The following ALCAM variants were observed in gnomAD, a reference collection of about 807,000 sequenced individuals.
ALCAM encodes activated leukocyte cell adhesion molecule, also known as CD166 antigen.
A neutral mutation model predicts 70.9 loss-of-function variants in ALCAM; 30 were observed. The observed-to-expected ratio is 0.42, with a 90% confidence interval of 0.32 to 0.57. The LOEUF (loss-of-function observed/expected upper bound fraction) is 0.57, where lower values mean the gene tolerates loss of function less well. Ranked by LOEUF, ALCAM falls within the 20% of genes least tolerant of loss-of-function variation. The pLI is 0.11. For missense variants in ALCAM, 591 were observed against 695.1 expected, an observed-to-expected ratio of 0.85 and a Z score of 1.68; for synonymous variants, 249 against 242.5, an observed-to-expected ratio of 1.03 and a Z score of -0.25.
At chr3:105,524,816 T>G in intron 3 of ALCAM, 14 of 1,106,426 alleles carry the variant, frequency 1.3e-5, no homozygotes, top group Non-Finnish European at 1.5e-5. Context: ...TTTACTGACA[T>G]GTACAAATAA....
chr3:105,484,105 A>G (rs1938353197), intron 1 of ALCAM, among the ~76,000 whole-genome samples: 1 of 151,974 alleles, frequency 6.6e-6, no homozygotes, highest in Non-Finnish European at 1.5e-5. Context: ...GTTCTTGGTC[A>G]GAAGCAATTT....
intron 1 of ALCAM, among the ~76,000 whole-genome samples, chr3:105,473,814 G>T (rs1276625908): frequency 1.3e-5 from 2 of 151,448 alleles, no homozygotes; most frequent in Non-Finnish European, 1.5e-5. Flanking sequence ...TCCTAGAAAG[G>T]TATTTAGGTC....
chr3:105,411,092 T>G (rs1936378140), intron 1 of ALCAM, among the ~76,000 whole-genome samples: 1 of 152,044 alleles, frequency 6.6e-6, no homozygotes, highest in African/African-American at 2.4e-5. Flanking sequence ...GGAAAAACAT[T>G]AATGCAGCTC....
chr3:105,367,268 C>A lies in ALCAM; in HGVS notation c.-141C>A. The A allele has an allele frequency of 1.3e-6, 1 of 754,664 alleles. No homozygotes were observed. The highest frequency in any genetic ancestry group is 1.8e-5 in the South Asian group (1 of 56,814). The allele number at this position is 754,664 out of a possible 1,614,324, so 46.7% of individuals were successfully genotyped here. The stretch of plus-strand genomic sequence containing the variant: ...GCAGAGAACCGAAGGTGCAGCGCCA[C>A]AGCCCAGGGGACGGTGTGTCTGGGA... On this transcript the variant is annotated 5_prime_UTR_variant, in exon 1 of 16. Coordinates refer to ENST00000306107, the MANE Select transcript of ALCAM (RefSeq NM_001627.4).
chr3:105,399,457 T>A (rs1017757719), intron 1 of ALCAM, among the ~76,000 whole-genome samples: 8 of 152,112 alleles, frequency 5.3e-5, no homozygotes. Flanking sequence ...AAATAACTAG[T>A]TAAAGCAATT....
At chr3:105,451,137 C>T (rs1052845064) in intron 1 of ALCAM, among the ~76,000 whole-genome samples, 2 of 151,840 alleles carry the variant, frequency 1.3e-5, no homozygotes, top group Admixed American at 1.3e-4. Flanking sequence ...GGTGGTGCAA[C>T]CCTGTAATTT....
At chr3:105,543,916 A>C (rs1408748613) in intron 8 of ALCAM, among the ~76,000 whole-genome samples, 1 of 151,624 alleles carries the variant, frequency 6.6e-6, no homozygotes, top group African/African-American at 2.4e-5. Flanking sequence ...CATTCATTCA[A>C]TAGTAATGTT....
intron 1 of ALCAM, among the ~76,000 whole-genome samples, chr3:105,421,644 G>T (rs1444105513): frequency 1.3e-5 from 2 of 151,556 alleles, no homozygotes; most frequent in Non-Finnish European, 3.0e-5. Flanking sequence ...AGGTTCCACA[G>T]CTGTGACCAA....
chr3:105,376,213 A>G (rs147858282), intron 1 of ALCAM, among the ~76,000 whole-genome samples: 20 of 152,274 alleles, frequency 1.3e-4, no homozygotes, highest in African/African-American at 3.6e-4. Flanking sequence ...TGTTGGAAAA[A>G]TGAGAATGTT....
intron 11 of ALCAM, among the ~76,000 whole-genome samples, chr3:105,548,059 G>A (rs1346045724): frequency 6.6e-6 from 1 of 151,474 alleles, no homozygotes; most frequent in African/African-American, 2.4e-5. Flanking sequence ...AATAAGGCAA[G>A]CTACATATAT....
intron 1 of ALCAM, among the ~76,000 whole-genome samples, chr3:105,437,298 T>C (rs576485027): frequency 2.0e-5 from 3 of 152,200 alleles, no homozygotes; most frequent in Non-Finnish European, 4.4e-5. Context: ...TATCTAAAAA[T>C]GTAATTATAT....
intron 3 of ALCAM, chr3:105,525,427 A>G (rs73192751): frequency 0.15 from 133,465 of 889,300 alleles, 10,188 homozygotes; most frequent in Non-Finnish European, 0.16. Flanking sequence ...TATTTTAGAC[A>G]CTACAGGGAA....
intron 1 of ALCAM, among the ~76,000 whole-genome samples, chr3:105,499,172 A>G (rs1576203813): frequency 6.6e-6 from 1 of 152,184 alleles, no homozygotes; most frequent in South Asian, 2.1e-4. Context: ...AAACCCAAGC[A>G]AAGTAGAATT....
intron 1 of ALCAM, among the ~76,000 whole-genome samples, chr3:105,384,940 A>C (rs915942783): frequency 5.3e-5 from 8 of 151,608 alleles, no homozygotes; most frequent in Non-Finnish European, 8.9e-5. Flanking sequence ...GAAATATATA[A>C]ACCTAATTGG....
chr3:105,429,518 A>G (rs1224497880), intron 1 of ALCAM, among the ~76,000 whole-genome samples: 1 of 152,014 alleles, frequency 6.6e-6, no homozygotes, highest in Non-Finnish European at 1.5e-5. Flanking sequence ...TCAGCTGAAT[A>G]AAGGTTATAA....
chr3:105,540,630 T>C (rs1040232968), intron 7 of ALCAM, among the ~76,000 whole-genome samples: 1 of 152,052 alleles, frequency 6.6e-6, no homozygotes, highest in African/African-American at 2.4e-5. Context: ...AGAGGATACT[T>C]TGGAAAATTC....
chr3:105,534,744 C>G lies in ALCAM; in HGVS notation c.629C>G (p.Thr210Ser). Reference sequence around the variant, plus strand: ...ACTTCCACCCTGGAGTACAAGACAACCAAGGCTGACATACAAATGCCATTC... The same window carrying G: ...ACTTCCACCCTGGAGTACAAGACAAGCAAGGCTGACATACAAATGCCATTC... Reference protein sequence around the residue: ...TMTSTLEYKTTKADIQMPFTC... With the variant: ...TMTSTLEYKTSKADIQMPFTC... The change falls in exon 6 of 16, where the codon ACC becomes AGC. Residue 210 changes from threonine (T) to serine (S), a missense_variant. Coordinates refer to ENST00000306107, the MANE Select transcript of ALCAM (RefSeq NM_001627.4). The G allele has an allele frequency of 6.2e-7, 1 of 1,613,760 alleles. No individual in the cohort carries two copies. Among genetic ancestry groups the G allele is most frequent in the Non-Finnish European group, 8.5e-7 (1 of 1,179,810 alleles).
At chr3:105,443,706 A>C (rs1937232037) in intron 1 of ALCAM, among the ~76,000 whole-genome samples, 1 of 152,228 alleles carries the variant, frequency 6.6e-6, no homozygotes. Context: ...AAAAAGGCAC[A>C]GGCAGGTTTC....
intron 1 of ALCAM, among the ~76,000 whole-genome samples, chr3:105,445,968 A>C (rs140772454): frequency 6.6e-6 from 1 of 152,350 alleles, no homozygotes; most frequent in African/African-American, 2.4e-5. Flanking sequence ...GAAGAGCAAA[A>C]ATAGCAAAAT....
Sources: gnomAD v4.1 joint callset for allele counts (sites outside exome capture counted in the v4.1 genomes callset) on GRCh38, gnomAD v4.1.1 for gene constraint, MANE v1.5 for transcripts, NCBI Gene and HGNC (gene_info 2026-07-23, HGNC 2026-07-21) for gene names.